Variants in DSCAM observed in about 807,000 individuals in gnomAD.
The protein encoded by DSCAM is cell adhesion molecule DSCAM.
Under a neutral mutation model 217.7 loss-of-function variants are expected in DSCAM, and 47 were observed. The ratio of observed to expected loss-of-function variants is 0.22; its 90% confidence interval spans 0.17 to 0.28. DSCAM has a LOEUF of 0.28. Among genes scored for constraint, DSCAM ranks in the 10% least tolerant of loss-of-function variants. DSCAM has a pLI of 1.00. For synonymous variants in DSCAM, 1,056 were observed against 1,015.3 expected (o/e 1.04, Z -0.76); for missense variants, 2,080 against 2,618.3 (o/e 0.79, Z 4.49).
intron 6 of DSCAM, among the ~76,000 whole-genome samples, chr21:40,345,928 T>C (rs2074553343): frequency 6.6e-6 from 1 of 152,206 alleles, no homozygotes; most frequent in South Asian, 2.1e-4. Flanking sequence ...TTAGTTCAAG[T>C]GACAGGCTCT....
intron 1 of DSCAM, among the ~76,000 whole-genome samples, chr21:40,764,998 C>T (rs917324883): frequency 6.6e-6 from 1 of 151,660 alleles, no homozygotes; most frequent in East Asian, 1.9e-4. Flanking sequence ...ATGCCCAATG[C>T]ATGCAGGGCT....
At chr21:40,215,688 T>A (rs561446355) in intron 11 of DSCAM, among the ~76,000 whole-genome samples, 3 of 152,116 alleles carry the variant, frequency 2.0e-5, no homozygotes, top group East Asian at 3.9e-4. Flanking sequence ...AAACTAGCAG[T>A]TGGGTAAATG....
At chr21:40,525,440 C>CG (rs1192945313) in intron 3 of DSCAM, among the ~76,000 whole-genome samples, 1 of 152,106 alleles carries the variant, frequency 6.6e-6, no homozygotes, top group Non-Finnish European at 1.5e-5. Flanking sequence ...AGCTACACCA[C>CG]GGGGGTTCAT....
intron 2 of DSCAM, among the ~76,000 whole-genome samples, chr21:40,704,345 C>T (rs1189437444): frequency 6.6e-6 from 1 of 152,154 alleles, no homozygotes. Flanking sequence ...TCCCCCATAT[C>T]TTTTCATAGC....
intron 3 of DSCAM, among the ~76,000 whole-genome samples, chr21:40,431,578 TGAATAGTAA>T (rs2075532711): frequency 1.3e-5 from 2 of 152,240 alleles, no homozygotes; most frequent in Non-Finnish European, 2.9e-5. Flanking sequence ...TTCCACCTAA[TGAATAGTAA>T]GCATATTTTT....
chr21:40,380,938 C>T (rs1318525913), intron 3 of DSCAM, among the ~76,000 whole-genome samples: 1 of 151,794 alleles, frequency 6.6e-6, no homozygotes, highest in Non-Finnish European at 1.5e-5. Context: ...TGGCGGGCGC[C>T]TGTAGTCCCA....
At chr21:40,437,519 CAG>C (rs1210925297) in intron 3 of DSCAM, among the ~76,000 whole-genome samples, 2 of 152,136 alleles carry the variant, frequency 1.3e-5, no homozygotes, top group African/African-American at 4.8e-5. Flanking sequence ...CATTGAGGAA[CAG>C]AGAGGTTAAA....
At chr21:40,362,943 A>G (rs1482641083) in intron 4 of DSCAM, among the ~76,000 whole-genome samples, 1 of 152,162 alleles carries the variant, frequency 6.6e-6, no homozygotes, top group African/African-American at 2.4e-5. Flanking sequence ...TGCAAGCATC[A>G]CTGCTGATAC....
At chr21:40,402,676 G>GTT (rs112357046) in intron 3 of DSCAM, among the ~76,000 whole-genome samples, 17 of 138,282 alleles carry the variant, frequency 1.2e-4, no homozygotes, top group East Asian at 8.6e-4. Context: ...TTTTTTATTT[G>GTT]TTTTTTTTTT....
At chr21:40,409,780 ATGCAAACAAGAACTG>A (rs1555914663) in intron 3 of DSCAM, among the ~76,000 whole-genome samples, 1 of 152,254 alleles carries the variant, frequency 6.6e-6, no homozygotes, top group Non-Finnish European at 1.5e-5. Context: ...GACTGGAACC[ATGCAAACAAGAACTG>A]TGCAAACAAG....
chr21:40,560,039 C>T lies in DSCAM; in HGVS notation c.508+132771G>A, dbSNP rs369871026. Among the ~76,000 whole-genome samples the T allele has an allele frequency of 1.3e-4, 20 of 152,074 alleles. No homozygotes were observed. The East Asian group carries it at 1.4e-3, about 10-fold the overall frequency. On this transcript the variant is annotated intron_variant, in intron 3 of 32. Coordinates refer to ENST00000400454, the MANE Select transcript of DSCAM (RefSeq NM_001389.5). ...CGATCTCCTGACCTCGTGATCCGCC[C>T]GCCTTGGCCTCCCAAAGTGCTGGGA...
rs564931828 is a variant in DSCAM, at chr21:40,224,068, G to A, written c.2357-34830C>T. Among the ~76,000 whole-genome samples, 9 of 152,346 alleles carry A rather than the reference G, an allele frequency of 5.9e-5. No homozygotes were observed. The South Asian group carries it at 1.9e-3, about 32-fold the overall frequency. On this transcript the variant is annotated intron_variant, in intron 11 of 32. Transcript: ENST00000400454. The stretch of plus-strand genomic sequence containing the variant: ...AACCCACAGTGTCATAACAATGTAT[G>A]TACTAGGGAATTGAGAAAACCTTCG...
At chr21:40,689,120 C>T (rs1172935168) in intron 3 of DSCAM, among the ~76,000 whole-genome samples, 2 of 152,162 alleles carry the variant, frequency 1.3e-5, no homozygotes, top group Non-Finnish European at 2.9e-5. Flanking sequence ...CATTTGTTTT[C>T]TTAACCAAAA....
chr21:40,522,611 G>T (rs140086097), intron 3 of DSCAM, among the ~76,000 whole-genome samples: 1 of 152,282 alleles, frequency 6.6e-6, no homozygotes, highest in Non-Finnish European at 1.5e-5. Flanking sequence ...CCTTGCTGAT[G>T]CAGGATACAT....
chr21:40,151,881 C>T (rs1018022121), intron 16 of DSCAM, among the ~76,000 whole-genome samples: 1 of 152,110 alleles, frequency 6.6e-6, no homozygotes, highest in Non-Finnish European at 1.5e-5. Flanking sequence ...GCTTCATTGC[C>T]CAGGCCCCAC....
At chr21:40,310,065 T>G (rs1471166617) in intron 9 of DSCAM, among the ~76,000 whole-genome samples, 1 of 152,226 alleles carries the variant, frequency 6.6e-6, no homozygotes, top group Admixed American at 6.5e-5. Context: ...ATTTTACAAA[T>G]TATTGATGCC....
At chr21:40,448,811 AG>A (rs1053830683) in intron 3 of DSCAM, among the ~76,000 whole-genome samples, 2 of 152,118 alleles carry the variant, frequency 1.3e-5, no homozygotes, top group African/African-American at 4.8e-5. Flanking sequence ...GAGGGTGAAA[AG>A]GCTAAATCTT....
At chr21:40,263,803 A>G (rs2073485887) in intron 11 of DSCAM, among the ~76,000 whole-genome samples, 1 of 152,126 alleles carries the variant, frequency 6.6e-6, no homozygotes, top group Non-Finnish European at 1.5e-5. Flanking sequence ...TTGATAGACC[A>G]CTAGCTAGAT....
At position 40,432,211 on chromosome 21, in the gene DSCAM, A is replaced by AAAATAAAAAAT. The variant is rs1555917758; in HGVS notation, c.509-62967_509-62966insATTTTTTATTT. Among the ~76,000 whole-genome samples the AAAATAAAAAAT allele has an allele frequency of 1.9e-4, 9 of 46,836 alleles. No homozygotes were observed. In the East Asian group the frequency reaches 3.8e-3, roughly 20 times the overall value. 30.7% of individuals were successfully genotyped at this position (46,836 alleles called of 152,430 possible). A position where few individuals can be genotyped will look rare whatever the true frequency, so the allele number is the denominator to read the frequency against. On this transcript the variant is annotated intron_variant, in intron 3 of 32. Coordinates refer to ENST00000400454, the MANE Select transcript of DSCAM (RefSeq NM_001389.5). Reference sequence around the variant, plus strand: ...GACTCTGCCTCAAAAATAATAATAAAAAATAAATATATAAATAAATAAATA... The same window carrying AAAATAAAAAAT: ...GACTCTGCCTCAAAAATAATAATAAAAAATAAAAAATAAATAAATATATAAATAAATAAATA...
Sources: allele counts gnomAD v4.1 joint callset (sites outside exome capture counted in the v4.1 genomes callset), GRCh38; gene constraint gnomAD v4.1.1; transcripts MANE v1.5; gene names NCBI Gene and HGNC (gene_info 2026-07-23, HGNC 2026-07-21).